DDX23: variants seen among roughly 807,000 people sequenced by gnomAD.
DDX23 encodes the protein probable ATP-dependent RNA helicase DDX23.
In DDX23, 33 loss-of-function variants were observed where a neutral mutation model predicts 102.7. The observed-to-expected ratio is 0.32, with a 90% CI of 0.24 to 0.43. The LOEUF (loss-of-function observed/expected upper bound fraction) is 0.43, where lower values mean the gene tolerates loss of function less well. DDX23 is among the 20% of genes least tolerant of loss of function. DDX23 has a pLI of 1.00. For synonymous variants in DDX23, 352 were observed against 376.0 expected (o/e 0.94, Z 0.74); for missense variants, 549 against 1,086.6 (o/e 0.51, Z 6.96).
Position 48,840,026 on chromosome 12 carries a change from T to C in DDX23, c.401A>G (p.Asp134Gly), listed in dbSNP as rs1176916167. ...SKKDEEDEHG[D>G]KKPKAQPLSL... The stretch of plus-strand genomic sequence containing the variant: ...CCTCTCCTTTACCTTAGGCTTCTTA[T>C]CACCATGTTCATCCTCTTCATCCTT... Residue 134 changes from aspartate to glycine, a missense_variant, in exon 4 of 17, where the codon GAT (aspartate) becomes GGT (glycine). Asp to Gly is a moderately conservative substitution (Grantham distance 94). This residue lies in a region of DDX23 where 241 missense variants were observed against 267.0 expected (regional missense o/e 0.90). Coordinates refer to ENST00000308025, the MANE Select transcript of DDX23 (RefSeq NM_004818.3). The C allele has an allele frequency of 6.2e-7, 1 of 1,614,028 alleles. No individual in the cohort carries two copies. The highest frequency in any genetic ancestry group is 8.5e-7 in the Non-Finnish European group (1 of 1,179,976).
intron 1 of DDX23, 112 bp from the exon 2 acceptor site, chr12:48,845,894 T>C: frequency 2.6e-6 from 3 of 1,165,866 alleles, no homozygotes; most frequent in Non-Finnish European, 3.7e-6. Flanking sequence ...TTAGTATGTC[T>C]ACCGTACAGA....
chr12:48,845,791 A>G lies in DDX23; in HGVS notation c.1-9T>C. On this transcript the variant is annotated splice_polypyrimidine_tract_variant and intron_variant, in intron 1 of 16. Transcript: ENST00000308025. The stretch of plus-strand genomic sequence containing the variant: ...GCCAGCTCTCCTGCCATCTGTAATG[A>G]GTAGGAAGAGTACTTACAATGTACT... 1 of 1,613,274 alleles carries G rather than the reference A, an allele frequency of 6.2e-7. No individual in the cohort carries two copies. Among genetic ancestry groups the G allele is most frequent in the Non-Finnish European group, 8.5e-7 (1 of 1,179,590 alleles).
In DDX23 at chr12:48,832,843, GT is replaced by G; in HGVS notation, c.1804-271del. 8.0e-6 allele frequency: 4 copies of G among 500,244 alleles called. No individual in the cohort carries two copies. The highest frequency in any genetic ancestry group is 3.5e-5 in the Admixed American group (1 of 28,210). The allele number at this position is 500,244 out of a possible 1,614,324, so 31.0% of individuals were successfully genotyped here. A position where few individuals can be genotyped will look rare whatever the true frequency, so the allele number is the denominator to read the frequency against. ...GGTAGCAGCATGAGTCTTTGGAATCGTTTTTCCAGGGCTAAGCTAAATGGCT... is the reference window on the plus strand; with the variant it reads ...GGTAGCAGCATGAGTCTTTGGAATCGTTTTCCAGGGCTAAGCTAAATGGCT... On this transcript the variant is annotated intron_variant, in intron 13 of 16. Coordinates refer to ENST00000308025, the MANE Select transcript of DDX23 (RefSeq NM_004818.3). This position sits in a 1 kb window ranked among gnomAD's most constrained non-coding sequence, Gnocchi z 4.4.
At chr12:48,835,987 T>C in intron 11 of DDX23, 134 bp downstream of exon 11, 2 of 1,040,198 alleles carry the variant, frequency 1.9e-6, no homozygotes, top group Non-Finnish European at 2.8e-6. Flanking sequence ...GATCCAATTA[T>C]TCCCTAATAT....
Position 48,829,993 on chromosome 12 carries a change from C to A in DDX23, c.*476G>T, listed in dbSNP as rs1191691944. 3 of 358,866 alleles carry A rather than the reference C, an allele frequency of 8.4e-6. No homozygotes were observed. The highest frequency in any genetic ancestry group is 6.4e-5 in the African/African-American group (3 of 46,766). 22.2% of individuals were successfully genotyped at this position (358,866 alleles called of 1,614,324 possible). ...TTCCTTTACCATCCAAACAGGAAAA[C>A]AGCTGTCCAGATGACAGTAAGATTC... On this transcript the variant is annotated 3_prime_UTR_variant, in exon 17 of 17. Coordinates refer to ENST00000308025, the MANE Select transcript of DDX23 (RefSeq NM_004818.3).
At chr12:48,835,762 C>T (rs772543857) in intron 11 of DDX23, among the ~76,000 whole-genome samples, 19 of 152,068 alleles carry the variant, frequency 1.2e-4, no homozygotes, top group South Asian at 6.2e-4. Flanking sequence ...TGGTGGCACA[C>T]GCCTGTAATC....
In DDX23 at chr12:48,831,191, G is replaced by A. The variant is rs1439978760; in HGVS notation, c.2190C>T (p.Ile730=). 1 of 1,614,174 alleles carries A rather than the reference G, an allele frequency of 6.2e-7. No individual in the cohort carries two copies. Among genetic ancestry groups the A allele is most frequent in the Non-Finnish European group, 8.5e-7 (1 of 1,180,034 alleles). Residue 730 remains isoleucine, a synonymous_variant, in exon 16 of 17, where the codon ATC becomes ATT. Coordinates refer to ENST00000308025, the MANE Select transcript of DDX23 (RefSeq NM_004818.3). Reference sequence around the variant, plus strand: ...AGTTGACAACCATAGACACATCTTGGATGTCAATACCACGACCAGCCACAT... The same window carrying A: ...AGTTGACAACCATAGACACATCTTGAATGTCAATACCACGACCAGCCACAT... ...ATDVAGRGID[I]QDVSMVVNYD...
intron 5 of DDX23, 62 bp from the exon 6 acceptor site, chr12:48,838,142 A>G (rs893838686): frequency 1.2e-6 from 2 of 1,600,940 alleles, no homozygotes; most frequent in African/African-American, 2.7e-5. Context: ...CACATCACTG[A>G]TGGGGAGATG....
rs1938468808 is a variant in DDX23, at chr12:48,836,470, T to C, written c.1236+99A>G. 1 of 1,323,022 alleles carries C rather than the reference T, an allele frequency of 7.6e-7. No homozygotes were observed. 82.0% of individuals were successfully genotyped at this position (1,323,022 alleles called of 1,614,324 possible). ...CAGAAAAGGTCACATTGGTGCCCACTAGCAGCGATGGCTCCAAATAGTCAA... is the reference window on the plus strand; with the variant it reads ...CAGAAAAGGTCACATTGGTGCCCACCAGCAGCGATGGCTCCAAATAGTCAA... On this transcript the variant is annotated intron_variant, in intron 10 of 16. Transcript: ENST00000308025. This position sits in a 1 kb window ranked among gnomAD's most constrained non-coding sequence, Gnocchi z 6.1.
chr12:48,834,296 T>G, intron 12 of DDX23, 24 bp downstream of exon 12: 1 of 1,590,710 alleles, frequency 6.3e-7, no homozygotes, highest in South Asian at 1.1e-5. Context: ...GACAGCAGGC[T>G]GGCTGCTAGA....
intron 1 of DDX23, among the ~76,000 whole-genome samples, chr12:48,847,876 A>G (rs1938693992): frequency 6.6e-6 from 1 of 152,380 alleles, no homozygotes; most frequent in Non-Finnish European, 1.5e-5. Context: ...TCCCAAAGGA[A>G]GGCTATTTTC....
intron 2 of DDX23, among the ~76,000 whole-genome samples, chr12:48,845,169 A>AG (rs1938643183): frequency 6.7e-6 from 1 of 148,212 alleles, no homozygotes; most frequent in East Asian, 2.0e-4. Context: ...AAAAAAAAAA[A>AG]AAGGCCAGGC....
intron 2 of DDX23, among the ~76,000 whole-genome samples, chr12:48,844,523 C>A (rs1938629370): frequency 6.6e-6 from 1 of 152,134 alleles, no homozygotes; most frequent in Non-Finnish European, 1.5e-5. Flanking sequence ...AAGTAATCCA[C>A]CTACCTCGGC....
rs1402052893 is a variant in DDX23, at chr12:48,837,991, T to C, written c.570A>G (p.Glu190=). The C allele has an allele frequency of 1.2e-6, 2 of 1,614,016 alleles. No individual in the cohort carries two copies. The highest frequency in any genetic ancestry group is 1.1e-5 in the South Asian group (1 of 91,074). ...EVEERQRMLE[E]ERKKRKQFQD... is the part of the protein sequence containing the mutation. Reference sequence around the variant, plus strand: ...GGAACTGTTTCCTTTTCTTCCTCTCTTCTTCAAGCATCCTCTGCCGCTCTT... The same window carrying C: ...GGAACTGTTTCCTTTTCTTCCTCTCCTCTTCAAGCATCCTCTGCCGCTCTT... The change falls in exon 6 of 17, where the codon GAA becomes GAG. Residue 190 remains glutamate (E), a synonymous_variant. Transcript: ENST00000308025.
At position 48,836,595 on chromosome 12, in the gene DDX23, C is replaced by T. The variant is rs1394840771; in HGVS notation, c.1210G>A (p.Glu404Lys). ...KDSSLPPHIL[E>K]VIDKCGYKEP... ...TTGTAGCCACACTTATCAATGACCT[C>T]CAAGATGTGTGGGGGCAGAGAAGAG... The change falls in exon 10 of 17, where the codon GAG becomes AAG. Residue 404 changes from glutamate (E) to lysine (K), a missense_variant. Transcript: ENST00000308025. The surrounding 1 kb of genome is among the most constrained non-coding windows in gnomAD (Gnocchi z 6.1). The T allele has an allele frequency of 6.2e-7, 1 of 1,613,830 alleles. No homozygotes were observed.
At chr12:48,838,400 C>A (rs554213005) in intron 5 of DDX23, among the ~76,000 whole-genome samples, 1 of 152,060 alleles carries the variant, frequency 6.6e-6, no homozygotes, top group Non-Finnish European at 1.5e-5. Flanking sequence ...AATAAAAAAA[C>A]TCAGCCAGAC....
At chr12:48,831,341 G>C (rs751666185) in intron 15 of DDX23, 25 bp from the exon 16 acceptor site, 1 of 1,612,958 alleles carries the variant, frequency 6.2e-7, no homozygotes, top group Non-Finnish European at 8.5e-7. Flanking sequence ...GTGAAGTGAA[G>C]AGTGAGCAAT....
chr12:48,839,777 G>A (rs1234093438), intron 5 of DDX23, 67 bp downstream of exon 5: 4 of 1,522,376 alleles, frequency 2.6e-6, no homozygotes, highest in South Asian at 1.2e-5. Flanking sequence ...TGTCGTTGAA[G>A]TCACCCAGTC....
chr12:48,851,161 AG>A (rs1472775919), intron 1 of DDX23, among the ~76,000 whole-genome samples: 1 of 152,238 alleles, frequency 6.6e-6, no homozygotes, highest in African/African-American at 2.4e-5. Context: ...TTCTGTTCAC[AG>A]GAAGTGTTTA....
Sources: gnomAD v4.1 joint callset for allele counts (sites outside exome capture counted in the v4.1 genomes callset) on GRCh38, gnomAD v4.1.1 for gene constraint, gnomAD v4.1.1 regional missense constraint, Gnocchi (gnomAD v3.1) non-coding constraint, MANE v1.5 for transcripts, NCBI Gene and HGNC (gene_info 2026-07-23, HGNC 2026-07-21) for gene names.